Variants in UMAD1 observed in about 807,000 individuals in gnomAD.
UMAD1 encodes UBAP1-MVB12-associated (UMA) domain containing 1.
UMAD1 carries 8 observed loss-of-function variants against 6.1 expected under a neutral mutation model. The ratio of observed to expected loss-of-function variants is 1.30; its 90% confidence interval spans 0.76 to 2.35. The LOEUF (loss-of-function observed/expected upper bound fraction) is 2.35, where lower values mean the gene tolerates loss of function less well. Among genes scored for constraint, UMAD1 ranks in the 30% most tolerant of loss-of-function variants. The probability of loss-of-function intolerance (pLI) is 0.00; values close to 1 mark genes in which losing one functional copy is unlikely to be tolerated. For missense variants in UMAD1, 130 were observed against 78.4 expected (o/e 1.66, Z -2.49); for synonymous variants, 56 against 31.4 (o/e 1.78, Z -2.61).
chr7:7,652,996 C>T (rs555088138), intron 1 of UMAD1, among the ~76,000 whole-genome samples: 1 of 152,176 alleles, frequency 6.6e-6, no homozygotes, highest in Non-Finnish European at 1.5e-5. Flanking sequence ...TATTCTTGCT[C>T]CCCAGTGCTC....
At chr7:7,775,969 T>C (rs1782197917) in intron 2 of UMAD1, among the ~76,000 whole-genome samples, 1 of 152,174 alleles carries the variant, frequency 6.6e-6, no homozygotes. Flanking sequence ...GGGTGATGGA[T>C]CGTTATGTAG....
intron 2 of UMAD1, among the ~76,000 whole-genome samples, chr7:7,768,931 AACTAATTAAT>A (rs1402139160): frequency 6.6e-6 from 1 of 152,128 alleles, no homozygotes; most frequent in African/African-American, 2.4e-5. Context: ...ATGAGTGAGC[AACTAATTAAT>A]ACCTATAGCT....
In UMAD1 at chr7:7,830,872, G is replaced by C. The variant is rs895204066; in HGVS notation, c.156+29129G>C. Among the ~76,000 whole-genome samples the C allele has an allele frequency of 6.6e-6, 1 of 152,038 alleles. No individual in the cohort carries two copies. The highest frequency in any genetic ancestry group is 1.5e-5 in the Non-Finnish European group (1 of 67,992). On this transcript the variant is annotated intron_variant, in intron 3 of 3. Coordinates refer to ENST00000682710, the MANE Select transcript of UMAD1 (RefSeq NM_001302348.2). The surrounding 1 kb of genome is among the most constrained non-coding windows in gnomAD (Gnocchi z 5.3). ...TCCCATCTTTTTAAGTATCTGCATA[G>C]AAAAATTTGTTATTAGTTTTTATGA...
intron 2 of UMAD1, among the ~76,000 whole-genome samples, chr7:7,699,230 G>A (rs79770901): frequency 0.021 from 3,254 of 152,150 alleles, 117 homozygotes; most frequent in African/African-American, 0.074. Context: ...GAATGCATTT[G>A]TGTTTTTCCT....
At chr7:7,767,128 C>CTTTTTTTTTTTTTTT (rs71014711) in intron 2 of UMAD1, among the ~76,000 whole-genome samples, 2,744 of 129,078 alleles carry the variant, frequency 0.021, 170 homozygotes, top group Non-Finnish European at 0.032. Flanking sequence ...AAATTAAGCT[C>CTTTTTTTTTTTTTTT]TTTTTTTTTT....
At chr7:7,700,385 C>T (rs1187120232) in intron 2 of UMAD1, among the ~76,000 whole-genome samples, 1 of 152,066 alleles carries the variant, frequency 6.6e-6, no homozygotes, top group Non-Finnish European at 1.5e-5. Context: ...TGAGGGAACA[C>T]AAATATTCAG....
intron 3 of UMAD1, among the ~76,000 whole-genome samples, chr7:7,815,912 G>C (rs1783115985): frequency 6.6e-6 from 1 of 152,156 alleles, no homozygotes; most frequent in Admixed American, 6.5e-5. Flanking sequence ...TCCAACAATA[G>C]ATATCAGTGG....
chr7:7,650,887 C>T (rs962799444), intron 1 of UMAD1, among the ~76,000 whole-genome samples: 1 of 152,202 alleles, frequency 6.6e-6, no homozygotes, highest in African/African-American at 2.4e-5. Flanking sequence ...AATGCTGTCC[C>T]TCCCCAACAC....
intron 3 of UMAD1, among the ~76,000 whole-genome samples, chr7:7,861,111 T>C (rs1474281327): frequency 6.6e-6 from 1 of 152,092 alleles, no homozygotes; most frequent in African/African-American, 2.4e-5. Context: ...AGAGGAGGGA[T>C]GGGGAGTTGT....
intron 2 of UMAD1, among the ~76,000 whole-genome samples, chr7:7,768,785 C>T (rs759685540): frequency 1.1e-4 from 16 of 152,136 alleles, no homozygotes; most frequent in Non-Finnish European, 1.9e-4. Flanking sequence ...TATATTATCG[C>T]ACTTTACTAT....
chr7:7,838,496 A>T (rs1206212596), intron 3 of UMAD1, among the ~76,000 whole-genome samples: 1 of 152,204 alleles, frequency 6.6e-6, no homozygotes, highest in Non-Finnish European at 1.5e-5. Flanking sequence ...TACAATCAAC[A>T]TTATCCAGTC....
chr7:7,793,577 G>A (rs1305299527), intron 2 of UMAD1, among the ~76,000 whole-genome samples: 1 of 152,132 alleles, frequency 6.6e-6, no homozygotes. Context: ...AAGGTGCCTG[G>A]CTATCTTTTT....
chr7:7,790,321 C>A (rs1211614297), intron 2 of UMAD1, among the ~76,000 whole-genome samples: 1 of 152,162 alleles, frequency 6.6e-6, no homozygotes, highest in Non-Finnish European at 1.5e-5. Context: ...TGTGTTTATG[C>A]GGATGAAAAC....
At chr7:7,644,253 T>C (rs901685373) in intron 1 of UMAD1, among the ~76,000 whole-genome samples, 2 of 152,160 alleles carry the variant, frequency 1.3e-5, no homozygotes, top group Non-Finnish European at 1.5e-5. Flanking sequence ...ATTTTTCTTT[T>C]TCTTACTGAC....
chr7:7,677,047 A>G (rs2115114271), intron 2 of UMAD1, among the ~76,000 whole-genome samples: 1 of 152,132 alleles, frequency 6.6e-6, no homozygotes, highest in East Asian at 1.9e-4. Flanking sequence ...AAATGCTTTT[A>G]ATGCTTTTAT....
intron 3 of UMAD1, among the ~76,000 whole-genome samples, chr7:7,860,097 C>T (rs1038931237): frequency 1.3e-5 from 2 of 152,042 alleles, no homozygotes; most frequent in African/African-American, 4.8e-5. Flanking sequence ...CTTATAATAA[C>T]CACAGAAAAG....
intron 1 of UMAD1, among the ~76,000 whole-genome samples, chr7:7,664,176 T>C (rs922251353): frequency 2.0e-5 from 3 of 152,228 alleles, no homozygotes; most frequent in African/African-American, 7.2e-5. Flanking sequence ...AATTTACTAT[T>C]ATTTTCTTCT....
At chr7:7,653,849 A>C (rs915488816) in intron 1 of UMAD1, among the ~76,000 whole-genome samples, 3 of 152,214 alleles carry the variant, frequency 2.0e-5, no homozygotes, top group Non-Finnish European at 4.4e-5. Context: ...ATAGGAAGGC[A>C]CTTAGTGGGT....
At chr7:7,641,103 C>T (rs147313719) in intron 1 of UMAD1, 1 of 152,584 alleles carries the variant, frequency 6.6e-6, no homozygotes, top group East Asian at 1.9e-4. Context: ...TTTCTTCAGG[C>T]TTTTGCCACT....
Sources: gnomAD v4.1 joint callset for allele counts (sites outside exome capture counted in the v4.1 genomes callset) on GRCh38, gnomAD v4.1.1 for gene constraint, Gnocchi (gnomAD v3.1) non-coding constraint, MANE v1.5 for transcripts, NCBI Gene and HGNC (gene_info 2026-07-23, HGNC 2026-07-21) for gene names.